Variants in ABCC4 observed in about 807,000 individuals in gnomAD.
The protein encoded by ABCC4 is ATP-binding cassette sub-family C member 4.
Under a neutral mutation model 168.5 loss-of-function variants are expected in ABCC4, and 102 were observed. The ratio of observed to expected loss-of-function variants is 0.61; its 90% CI spans 0.52 to 0.71. The LOEUF is 0.71. ABCC4 is among the 30% of genes least tolerant of loss of function. The probability of loss-of-function intolerance (pLI) is 0.00; values close to 1 mark genes in which losing one functional copy is unlikely to be tolerated. For synonymous variants in ABCC4, 617 were observed against 590.7 expected (o/e 1.04, Z -0.65); for missense variants, 1,402 against 1,605.8 (o/e 0.87, Z 2.17).
At chr13:95,023,286 T>C (rs2031202997) in intron 30 of ABCC4, among the ~76,000 whole-genome samples, 1 of 152,232 alleles carries the variant, frequency 6.6e-6, no homozygotes, top group South Asian at 2.1e-4. Context: ...CTTCATGGTC[T>C]GAAATACTTA....
chr13:95,264,864 C>CT (rs55932446), intron 1 of ABCC4, among the ~76,000 whole-genome samples: 65 of 106,470 alleles, frequency 6.1e-4, no homozygotes, highest in African/African-American at 1.1e-3. Flanking sequence ...CTACAATCCA[C>CT]TTTTTTTTTT....
intron 1 of ABCC4, among the ~76,000 whole-genome samples, chr13:95,250,849 A>G (rs1406531465): frequency 6.9e-6 from 1 of 143,924 alleles, no homozygotes; most frequent in Non-Finnish European, 1.5e-5. Context: ...GCTCACTCAG[A>G]TCCGATCAGA....
At chr13:95,102,544 A>G (rs2034847624) in intron 20 of ABCC4, among the ~76,000 whole-genome samples, 1 of 152,048 alleles carries the variant, frequency 6.6e-6, no homozygotes, top group Non-Finnish European at 1.5e-5. Flanking sequence ...TCGGCCTCCC[A>G]AAGTTCTGGG....
At chr13:95,064,260 GTATATATATATATATA>G (rs753635232) in intron 25 of ABCC4, among the ~76,000 whole-genome samples, 1 of 21,506 alleles carries the variant, frequency 4.6e-5, no homozygotes, top group Non-Finnish European at 8.8e-5. Flanking sequence ...GTGTGTGTGT[GTATATATATATATATA>G]TATATATATA....
chr13:95,140,863 T>C (rs923564581), intron 19 of ABCC4, among the ~76,000 whole-genome samples: 4 of 152,224 alleles, frequency 2.6e-5, no homozygotes, highest in South Asian at 2.1e-4. Flanking sequence ...GGAACAAATA[T>C]TCATCTCCTA....
At chr13:95,050,735 G>A (rs2032794867) in intron 27 of ABCC4, among the ~76,000 whole-genome samples, 1 of 152,160 alleles carries the variant, frequency 6.6e-6, no homozygotes, top group Non-Finnish European at 1.5e-5. Flanking sequence ...TAGAATTCTT[G>A]AGAGGCTACT....
intron 1 of ABCC4, chr13:95,269,162 C>T: frequency 5.0e-6 from 2 of 399,228 alleles, no homozygotes; most frequent in South Asian, 3.5e-5. Context: ...GTCATTCTAG[C>T]AGATTATTGA....
intron 9 of ABCC4, among the ~76,000 whole-genome samples, chr13:95,193,687 A>G (rs1205189494): frequency 6.6e-6 from 1 of 152,216 alleles, no homozygotes; most frequent in Non-Finnish European, 1.5e-5. Flanking sequence ...ACTTTGTGTA[A>G]TAACATAGTA....
At chr13:95,170,374 T>A in intron 14 of ABCC4, 158 bp downstream of exon 14, 1 of 516,976 alleles carries the variant, frequency 1.9e-6, no homozygotes, top group Non-Finnish European at 3.4e-6. Flanking sequence ...TAATATGGTT[T>A]AGCATGTAAT....
chr13:95,128,509 T>C (rs1418013354), intron 19 of ABCC4, among the ~76,000 whole-genome samples: 1 of 152,236 alleles, frequency 6.6e-6, no homozygotes, highest in East Asian at 1.9e-4. Context: ...CAAGTCCTTG[T>C]TGGCTCTGAA....
At chr13:95,132,377 G>A (rs188557374) in intron 19 of ABCC4, among the ~76,000 whole-genome samples, 66 of 152,044 alleles carry the variant, frequency 4.3e-4, no homozygotes, top group Admixed American at 2.6e-3. Context: ...TGCCAAGCCC[G>A]GCTAATTTTT....
intron 8 of ABCC4, among the ~76,000 whole-genome samples, chr13:95,197,508 T>A (rs1269067021): frequency 6.6e-6 from 1 of 152,182 alleles, no homozygotes; most frequent in Admixed American, 6.5e-5. Context: ...TAAATGAGAC[T>A]CCACTCAACA....
chr13:95,029,163 AATACATATATATAT>A, intron 30 of ABCC4, among the ~76,000 whole-genome samples: 1 of 108,864 alleles, frequency 9.2e-6, no homozygotes, highest in African/African-American at 3.9e-5. Context: ...CTTTAAAAAA[AATACATATATATAT>A]ATATATATAT....
intron 1 of ABCC4, among the ~76,000 whole-genome samples, chr13:95,254,862 T>A (rs2138830989): frequency 6.6e-6 from 1 of 152,226 alleles, no homozygotes; most frequent in Middle Eastern, 3.4e-3. Context: ...AGGATGGGGT[T>A]TTTCTGTGTT....
intron 1 of ABCC4, among the ~76,000 whole-genome samples, chr13:95,274,678 G>A (rs1205182979): frequency 1.3e-5 from 2 of 152,162 alleles, no homozygotes; most frequent in East Asian, 3.8e-4. Context: ...TGCAGGGCAT[G>A]ACATGCTTCC....
chr13:95,264,269 C>T (rs76374388), intron 1 of ABCC4, among the ~76,000 whole-genome samples: 10,329 of 152,028 alleles, frequency 0.068, 710 homozygotes, highest in African/African-American at 0.18. Context: ...TGGCAACTTC[C>T]ACAGTAATAA....
chr13:95,185,107 A>G (rs368605288), intron 11 of ABCC4, among the ~76,000 whole-genome samples: 2 of 152,270 alleles, frequency 1.3e-5, no homozygotes, highest in South Asian at 2.1e-4. Flanking sequence ...GAATAAAATG[A>G]AAATTTTACT....
intron 19 of ABCC4, among the ~76,000 whole-genome samples, chr13:95,149,432 G>A (rs1203830809): frequency 1.3e-5 from 2 of 152,062 alleles, no homozygotes; most frequent in Non-Finnish European, 2.9e-5. Flanking sequence ...TGGGATAATT[G>A]TAAGATGTCA....
chr13:95,081,317 C>T (rs902472019), intron 21 of ABCC4, among the ~76,000 whole-genome samples: 5 of 152,158 alleles, frequency 3.3e-5, no homozygotes, highest in East Asian at 1.9e-4. Context: ...AGACAGTCTA[C>T]GTCAAGATGT....
Sources: allele counts gnomAD v4.1 joint callset (sites outside exome capture counted in the v4.1 genomes callset), GRCh38; gene constraint gnomAD v4.1.1; transcripts MANE v1.5; gene names NCBI Gene and HGNC (gene_info 2026-07-23, HGNC 2026-07-21).